ZNF738: variants seen among roughly 807,000 people sequenced by gnomAD.
ZNF738 encodes zinc finger protein 738.
ZNF738 carries 10 observed loss-of-function variants against 9.2 expected under a neutral mutation model. The ratio of observed to expected loss-of-function variants is 1.09; its 90% CI spans 0.67 to 1.85. The LOEUF is 1.85. ZNF738 is among the 40% of genes most tolerant of loss of function. The pLI, the probability that ZNF738 is intolerant of heterozygous loss-of-function variation, is 0.00. For synonymous variants in ZNF738, 113 were observed against 94.5 expected (o/e 1.20, Z -1.14); for missense variants, 346 against 283.6 (o/e 1.22, Z -1.58).
In ZNF738 at chr19:21,383,963, A is replaced by T; in HGVS notation, c.*289A>T. The T allele has an allele frequency of 6.9e-7, 1 of 1,439,984 alleles. No individual in the cohort carries two copies. The highest frequency in any genetic ancestry group is 9.7e-7 in the Non-Finnish European group (1 of 1,026,912). 89.2% of individuals were successfully genotyped at this position (1,439,984 alleles called of 1,614,324 possible). The stretch of plus-strand genomic sequence containing the variant: ...TTAACTGTTACTCCTACCTTACTGC[A>T]CATAAGTTGATTCATACTGGAGAGA... On this transcript the variant is annotated 3_prime_UTR_variant, in exon 5 of 5. Coordinates refer to ENST00000683779, the MANE Select transcript of ZNF738 (RefSeq NM_001355237.2).
In ZNF738 at chr19:21,375,253, A is replaced by G; in HGVS notation, c.112A>G (p.Arg38Gly). The change falls in exon 3 of 5, where the codon AGG becomes GGG. Residue 38 changes from arginine (R) to glycine (G), a missense_variant. Transcript: ENST00000683779. ...TGTTTTTCAGGGGCCGTTGACATTT[A>G]GGGATGTGGTCATAGAATTCTCTCA... ...SYFEKGPLTFRDVVIEFSQEE... is the reference protein window; with the variant it reads ...SYFEKGPLTFGDVVIEFSQEE... The G allele has an allele frequency of 2.6e-6, 3 of 1,149,396 alleles. No homozygotes were observed. Among genetic ancestry groups the G allele is most frequent in the Non-Finnish European group, 3.9e-6 (3 of 761,214 alleles). 71.2% of individuals were successfully genotyped at this position (1,149,396 alleles called of 1,614,324 possible). A position where few individuals can be genotyped will look rare whatever the true frequency, so the allele number is the denominator to read the frequency against.
intron 2 of ZNF738, among the ~76,000 whole-genome samples, chr19:21,362,317 T>C (rs987627422): frequency 3.3e-5 from 5 of 152,056 alleles, no homozygotes; most frequent in Non-Finnish European, 5.9e-5. Flanking sequence ...GTGAAAAATA[T>C]GTGACCAAAA....
chr19:21,375,478 G>T, intron 3 of ZNF738, 114 bp downstream of exon 3: 1 of 534,642 alleles, frequency 1.9e-6, no homozygotes. Context: ...TCTGATCCCT[G>T]TTTTCAAAAA....
Position 21,359,043 on chromosome 19 carries a change from C to T in ZNF738, c.-98C>T. ...AACTCCGGGTCTCGTCTTCACTGCTCTGTGTCCTCTGCTCCTAGAGGCCCA... is the reference window on the plus strand; with the variant it reads ...AACTCCGGGTCTCGTCTTCACTGCTTTGTGTCCTCTGCTCCTAGAGGCCCA... On this transcript the variant is annotated 5_prime_UTR_variant, in exon 1 of 5. Transcript: ENST00000683779. 2.4e-6 allele frequency: 2 copies of T among 820,800 alleles called. No homozygotes were observed. Among genetic ancestry groups the T allele is most frequent in the South Asian group, 2.6e-5 (2 of 75,582 alleles). 50.8% of individuals were successfully genotyped at this position (820,800 alleles called of 1,614,324 possible).
chr19:21,386,709 G>A lies in ZNF738; in HGVS notation c.*3035G>A, dbSNP rs1188964154. On this transcript the variant is annotated 3_prime_UTR_variant, in exon 5 of 5. Coordinates refer to ENST00000683779, the MANE Select transcript of ZNF738 (RefSeq NM_001355237.2). ...TGGCAAAAGCTTTAACTAGTTCTCAGTTATTATTATTATTTTTAGAGATGG... is the reference window on the plus strand; with the variant it reads ...TGGCAAAAGCTTTAACTAGTTCTCAATTATTATTATTATTTTTAGAGATGG... The A allele has an allele frequency of 5.9e-6, 1 of 169,508 alleles. No homozygotes were observed. The highest frequency in any genetic ancestry group is 1.3e-5 in the Non-Finnish European group (1 of 76,638). The allele number at this position is 169,508 out of a possible 1,614,324, so 10.5% of individuals were successfully genotyped here.
At position 21,383,545 on chromosome 19, in the gene ZNF738, A is replaced by T; in HGVS notation, c.999A>T (p.Lys333Asn). 9.9e-7 allele frequency: 1 copy of T among 1,008,786 alleles called. No individual in the cohort carries two copies. The highest frequency in any genetic ancestry group is 1.5e-6 in the Non-Finnish European group (1 of 646,086). 62.5% of individuals were successfully genotyped at this position (1,008,786 alleles called of 1,614,324 possible). A position where few individuals can be genotyped will look rare whatever the true frequency, so the allele number is the denominator to read the frequency against. The change falls in exon 5 of 5, where the codon AAA becomes AAT. Residue 333 changes from lysine to asparagine, a missense_variant. Transcript: ENST00000683779. ...TCTGCCAATTCTCATACCTTACTAA[A>T]CATAAGATAATTCATACTGGAGAGA... is the stretch of plus-strand genomic sequence containing the variant. ...KAFCQFSYLT[K>N]HKIIHTGEKP...
rs1599722902 is a variant in ZNF738, at chr19:21,388,212, A to G, written c.*4538A>G. 1.3e-5 allele frequency among the ~76,000 whole-genome samples: 2 copies of G among 152,164 alleles called. No individual in the cohort carries two copies. Among genetic ancestry groups the G allele is most frequent in the East Asian group, 3.8e-4 (2 of 5,206 alleles). ...AATAACTACATTCTAAGTATACTTTATTTCTTGAAAAAATTACAGACTTTG... is the reference window on the plus strand; with the variant it reads ...AATAACTACATTCTAAGTATACTTTGTTTCTTGAAAAAATTACAGACTTTG... On this transcript the variant is annotated 3_prime_UTR_variant, in exon 5 of 5. Transcript: ENST00000683779.
In ZNF738 at chr19:21,361,769, G is replaced by A. The variant is rs1142653; in HGVS notation, c.7G>A (p.Asp3Asn). 426,080 of 779,604 alleles carry A rather than the reference G, an allele frequency of 0.55. 117,936 individuals carry two copies. Among genetic ancestry groups the A allele is most frequent in the Middle Eastern group, 0.68 (3,032 of 4,438 alleles). 48.3% of individuals were successfully genotyped at this position (779,604 alleles called of 1,614,324 possible). Residue 3 changes from aspartate (D) to asparagine (N), a missense_variant, in exon 2 of 5, where the codon GAC becomes AAC. Physicochemically the swap from Asp to Asn is conservative, Grantham distance 23. Transcript: ENST00000683779. ...TCTGGTTTATTTTCTCCCATAGGACGACCTGAGGTATGGAGTGTATCCTGT... is the reference window on the plus strand; with the variant it reads ...TCTGGTTTATTTTCTCCCATAGGACAACCTGAGGTATGGAGTGTATCCTGT... Reference protein sequence around the residue: MDDLRYGVYPVKG... With the variant: MDNLRYGVYPVKG...
intron 3 of ZNF738, 114 bp from the exon 4 acceptor site, chr19:21,375,755 T>G: frequency 1.9e-6 from 1 of 517,922 alleles, no homozygotes; most frequent in Non-Finnish European, 3.5e-6. Flanking sequence ...TTAAATAGTA[T>G]TTTGGGATGA....
chr19:21,367,926 A>G (rs562847116), intron 2 of ZNF738, among the ~76,000 whole-genome samples: 1 of 152,322 alleles, frequency 6.6e-6, no homozygotes, highest in East Asian at 1.9e-4. Flanking sequence ...CTGTATCTGC[A>G]GCAGTAACCT....
chr19:21,370,169 G>A (rs572019558), intron 2 of ZNF738, among the ~76,000 whole-genome samples: 5 of 152,236 alleles, frequency 3.3e-5, no homozygotes, highest in South Asian at 2.1e-4. Context: ...ATCTTTAATT[G>A]TGTTTACATG....
At chr19:21,368,338 C>T (rs1370598720) in intron 2 of ZNF738, among the ~76,000 whole-genome samples, 1 of 152,116 alleles carries the variant, frequency 6.6e-6, no homozygotes, top group African/African-American at 2.4e-5. Flanking sequence ...TGGTGACATG[C>T]ATTTGGTTTT....
chr19:21,359,186 G>T lies in ZNF738; in HGVS notation c.3+43G>T, dbSNP rs754184335. 4.8e-6 allele frequency: 5 copies of T among 1,048,594 alleles called. No homozygotes were observed. In the South Asian group the frequency reaches 5.0e-5, roughly 11 times the overall value. The allele number at this position is 1,048,594 out of a possible 1,614,324, so 65.0% of individuals were successfully genotyped here. ...AACATCCCGAGAGAGGGGAAGGGCT[G>T]GTTGGAACCGGTGGGAAGTGGCTGT... On this transcript the variant is annotated intron_variant, in intron 1 of 4. Transcript: ENST00000683779.
intron 1 of ZNF738, among the ~76,000 whole-genome samples, chr19:21,361,537 CTG>C (rs1261089507): frequency 6.6e-5 from 10 of 152,228 alleles, no homozygotes; most frequent in African/African-American, 2.4e-4. Context: ...CAAAAAATCT[CTG>C]TGTGTCTTTT....
intron 2 of ZNF738, among the ~76,000 whole-genome samples, chr19:21,369,284 T>G (rs181892182): frequency 6.6e-6 from 1 of 152,252 alleles, no homozygotes; most frequent in East Asian, 1.9e-4. Flanking sequence ...TTTCTTTTTT[T>G]ATTTTTTGTA....
intron 2 of ZNF738, among the ~76,000 whole-genome samples, chr19:21,362,097 GATAATAATAATAATAATAATAATA>G (rs55672173): frequency 1.4e-5 from 2 of 148,110 alleles, no homozygotes; most frequent in Non-Finnish European, 3.0e-5. Context: ...TAATAATAAT[GATAATAATAATAATAATAATAATA>G]ATAATAATAA....
At chr19:21,373,590 G>T (rs2145230839) in intron 2 of ZNF738, among the ~76,000 whole-genome samples, 1 of 152,272 alleles carries the variant, frequency 6.6e-6, no homozygotes, top group South Asian at 2.1e-4. Context: ...AATCTCTGCT[G>T]TTATAAAGGA....
chr19:21,376,695 C>CCA lies in ZNF738; in HGVS notation c.319+733_319+734dup, dbSNP rs1415775539. Among the ~76,000 whole-genome samples, 3 of 152,028 alleles carry CCA rather than the reference C, an allele frequency of 2.0e-5. No homozygotes were observed. The East Asian group carries it at 5.8e-4, about 29-fold the overall frequency. On this transcript the variant is annotated intron_variant, in intron 4 of 4. Transcript: ENST00000683779. ...GAGTAGCTGAGACTACAGGCATGCA[C>CCA]CACCATGAGAGTTTTTAGTAAAAAC...
intron 4 of ZNF738, among the ~76,000 whole-genome samples, chr19:21,380,068 G>A (rs1180993726): frequency 1.3e-5 from 2 of 152,130 alleles, no homozygotes; most frequent in African/African-American, 4.8e-5. Context: ...TTTAGCAACT[G>A]GACTGAGGAA....
Sources: gnomAD v4.1 joint callset for allele counts (sites outside exome capture counted in the v4.1 genomes callset) on GRCh38, gnomAD v4.1.1 for gene constraint, MANE v1.5 for transcripts, NCBI Gene and HGNC (gene_info 2026-07-23, HGNC 2026-07-21) for gene names.